The following ERC2 variants were observed in gnomAD, a reference collection of about 807,000 sequenced individuals.
ERC2 encodes ELKS/RAB6-interacting/CAST family member 2, also known as ERC protein 2.
A neutral mutation model predicts 114.8 loss-of-function variants in ERC2; 42 were observed. That is an observed-to-expected ratio of 0.37 (90% confidence interval 0.29 to 0.47). The LOEUF (loss-of-function observed/expected upper bound fraction) is 0.47, where lower values mean the gene tolerates loss of function less well. Ranked by LOEUF, ERC2 falls within the 20% of genes least tolerant of loss-of-function variation. The probability of loss-of-function intolerance (pLI) is 0.99; values close to 1 mark genes in which losing one functional copy is unlikely to be tolerated. For missense variants in ERC2, 939 were observed against 1,150.7 expected (o/e 0.82, Z 2.66); for synonymous variants, 454 against 425.5 (o/e 1.07, Z -0.82).
chr3:55,735,042 TAAAAC>T (rs767996029), intron 14 of ERC2, 124 bp from the exon 15 acceptor site: 33 of 1,030,416 alleles, frequency 3.2e-5, no homozygotes, highest in Middle Eastern at 2.9e-4. Flanking sequence ...GAATACTACT[TAAAAC>T]AAACTAGCTC....
At chr3:55,726,062 G>T (rs1233473220) in intron 15 of ERC2, among the ~76,000 whole-genome samples, 1 of 152,112 alleles carries the variant, frequency 6.6e-6, no homozygotes, top group South Asian at 2.1e-4. Context: ...TTATTAAAAG[G>T]GGTTCTCTAG....
chr3:55,793,026 T>C (rs1262002391), intron 14 of ERC2, among the ~76,000 whole-genome samples: 1 of 152,156 alleles, frequency 6.6e-6, no homozygotes, highest in African/African-American at 2.4e-5. Flanking sequence ...CAAATAGCAA[T>C]ATTTGTGCTA....
intron 6 of ERC2, among the ~76,000 whole-genome samples, chr3:56,081,654 A>C (rs1290877224): frequency 6.6e-6 from 1 of 152,126 alleles, no homozygotes; most frequent in Non-Finnish European, 1.5e-5. Flanking sequence ...CCTGCTTTCA[A>C]ATGTTGTTAA....
At chr3:56,343,783 C>G (rs1241280094) in intron 2 of ERC2, among the ~76,000 whole-genome samples, 2 of 152,158 alleles carry the variant, frequency 1.3e-5, no homozygotes, top group African/African-American at 2.4e-5. Context: ...GCAGACTTGT[C>G]TAAATTAAAT....
intron 3 of ERC2, among the ~76,000 whole-genome samples, chr3:56,187,204 T>G (rs1289664049): frequency 2.0e-5 from 3 of 152,214 alleles, no homozygotes; most frequent in Non-Finnish European, 2.9e-5. Flanking sequence ...CCAGCACTTC[T>G]GGACAGGAAA....
At chr3:56,219,921 T>A (rs1359126416) in intron 3 of ERC2, among the ~76,000 whole-genome samples, 1 of 152,188 alleles carries the variant, frequency 6.6e-6, no homozygotes, top group Non-Finnish European at 1.5e-5. Flanking sequence ...AAAATACAGA[T>A]ACCATTGCCC....
intron 3 of ERC2, among the ~76,000 whole-genome samples, chr3:56,191,688 A>T (rs1404429779): frequency 6.6e-6 from 1 of 151,886 alleles, no homozygotes; most frequent in Non-Finnish European, 1.5e-5. Context: ...TCACCCTCCA[A>T]TCTCATCCCC....
intron 7 of ERC2, among the ~76,000 whole-genome samples, chr3:56,053,292 G>T (rs1405842766): frequency 6.6e-6 from 1 of 152,184 alleles, no homozygotes; most frequent in Non-Finnish European, 1.5e-5. Context: ...GGGAAAAGAG[G>T]TGTAAGTGAG....
chr3:56,116,389 C>A (rs2079236506), intron 6 of ERC2, among the ~76,000 whole-genome samples: 1 of 152,082 alleles, frequency 6.6e-6, no homozygotes, highest in Non-Finnish European at 1.5e-5. Flanking sequence ...AAACTTGTCC[C>A]CCAGGTAATG....
chr3:56,289,084 C>G (rs1404812358), intron 3 of ERC2, among the ~76,000 whole-genome samples: 2 of 151,820 alleles, frequency 1.3e-5, no homozygotes, highest in Admixed American at 6.6e-5. Context: ...CATTCTCAAC[C>G]TTGGCTGCAC....
At chr3:56,400,119 A>T (rs2060466207) in intron 2 of ERC2, among the ~76,000 whole-genome samples, 1 of 152,096 alleles carries the variant, frequency 6.6e-6, no homozygotes, top group Non-Finnish European at 1.5e-5. Context: ...TTTCCAGGGC[A>T]TGTGATAACA....
chr3:56,224,179 G>A (rs2050104614), intron 3 of ERC2, among the ~76,000 whole-genome samples: 1 of 152,210 alleles, frequency 6.6e-6, no homozygotes, highest in Non-Finnish European at 1.5e-5. Context: ...GTGGGTGGAT[G>A]TCTTAAGCAG....
chr3:56,098,946 T>C (rs1026208238), intron 6 of ERC2, among the ~76,000 whole-genome samples: 1 of 152,166 alleles, frequency 6.6e-6, no homozygotes, highest in East Asian at 1.9e-4. Context: ...TGAATGGTGG[T>C]CCCCAAATAG....
rs567981677 is a variant in ERC2 at position 56,360,276 on chromosome 3, C to T, written c.658-63841G>A. 3.9e-5 allele frequency among the ~76,000 whole-genome samples: 6 copies of T among 151,904 alleles called. No individual in the cohort carries two copies. In the South Asian group the frequency reaches 8.4e-4, roughly 21 times the overall value. ...GTCTTGATCTCCTGACCTTGTGATCCGCCTGCCTCAGCCTCCCAAAGTGCT... is the reference window on the plus strand; with the variant it reads ...GTCTTGATCTCCTGACCTTGTGATCTGCCTGCCTCAGCCTCCCAAAGTGCT... On this transcript the variant is annotated intron_variant, in intron 2 of 17. Transcript: ENST00000288221.
chr3:56,400,700 T>C (rs971276294), intron 2 of ERC2, among the ~76,000 whole-genome samples: 1 of 152,206 alleles, frequency 6.6e-6, no homozygotes, highest in Admixed American at 6.5e-5. Flanking sequence ...TTTCCACCAA[T>C]AAACTGTAAA....
At chr3:56,260,357 CA>C (rs5849139) in intron 3 of ERC2, among the ~76,000 whole-genome samples, 106,394 of 151,766 alleles carry the variant, frequency 0.7, 38,097 homozygotes, top group Non-Finnish European at 0.76. Context: ...CCAAATAAGG[CA>C]AAAAAAAAGG....
chr3:55,843,211 T>A (rs1319245584), intron 14 of ERC2, among the ~76,000 whole-genome samples: 2 of 152,162 alleles, frequency 1.3e-5, no homozygotes, highest in Non-Finnish European at 2.9e-5. Flanking sequence ...CATTACTTCT[T>A]TCTCTTCTCA....
chr3:56,059,308 C>G (rs2076150336), intron 7 of ERC2, among the ~76,000 whole-genome samples: 1 of 152,110 alleles, frequency 6.6e-6, no homozygotes, highest in South Asian at 2.1e-4. Flanking sequence ...CCACGGTGGT[C>G]TCGATCTCTT....
chr3:56,080,654 T>A (rs187217426), intron 7 of ERC2, among the ~76,000 whole-genome samples, 163 bp downstream of exon 7: 1 of 152,314 alleles, frequency 6.6e-6, no homozygotes, highest in African/African-American at 2.4e-5. Context: ...AACGCTAATA[T>A]TGACATGATG....
Sources: allele counts gnomAD v4.1 joint callset (sites outside exome capture counted in the v4.1 genomes callset), GRCh38; gene constraint gnomAD v4.1.1; transcripts MANE v1.5; gene names NCBI Gene and HGNC (gene_info 2026-07-23, HGNC 2026-07-21).